Variants in GABRQ observed in about 807,000 individuals in gnomAD.
GABRQ encodes gamma-aminobutyric acid receptor subunit theta.
In GABRQ, 19 loss-of-function variants were observed where a neutral mutation model predicts 30.5. The observed-to-expected ratio is 0.62, with a 90% CI of 0.43 to 0.91. The LOEUF (loss-of-function observed/expected upper bound fraction) is 0.91. Ranked by LOEUF, GABRQ falls within the 40% of genes least tolerant of loss-of-function variation. The pLI, the probability that GABRQ is intolerant of heterozygous loss-of-function variation, is 0.00. For missense variants in GABRQ, 520 were observed against 521.4 expected (o/e 1.00, Z 0.03); for synonymous variants, 187 against 210.2 (o/e 0.89, Z 0.95).
chrX:152,650,244 C>T (rs1430668170), intron 6 of GABRQ, among the ~76,000 whole-genome samples, 184 bp from the exon 7 acceptor site: 1 of 112,060 alleles, frequency 8.9e-6, no homozygotes, highest in East Asian at 2.8e-4. Flanking sequence ...TATGCTCATG[C>T]GCCTACTGAG....
At chrX:152,641,581 C>A (rs931967804) in intron 2 of GABRQ, among the ~76,000 whole-genome samples, 2 of 111,894 alleles carry the variant, frequency 1.8e-5, no homozygotes, top group African/African-American at 3.2e-5. Flanking sequence ...CTGGTGCTTC[C>A]CCTTAGCTCC....
Position 152,653,541 on chromosome X carries a change from A to G in GABRQ, c.*260A>G, listed in dbSNP as rs945597222. 6.4e-6 allele frequency: 2 copies of G among 311,989 alleles called. No individual in the cohort carries two copies. Among genetic ancestry groups the G allele is most frequent in the Non-Finnish European group, 1.1e-5 (2 of 181,122 alleles). 25.7% of individuals were successfully genotyped at this position (311,989 alleles called of 1,213,427 possible). A position where few individuals can be genotyped will look rare whatever the true frequency, so the allele number is the denominator to read the frequency against. On this transcript the variant is annotated 3_prime_UTR_variant, in exon 9 of 9. Coordinates refer to ENST00000598523, the MANE Select transcript of GABRQ (RefSeq NM_018558.4). ...CCTGCTAGAAGACTCTCACCTTTTC[A>G]AAGACTTGTAACAAGGAATAAGCAT...
chrX:152,657,454 C>T lies in GABRQ; in HGVS notation c.*4173C>T, dbSNP rs1258342009. On this transcript the variant is annotated 3_prime_UTR_variant, in exon 9 of 9. Coordinates refer to ENST00000598523, the MANE Select transcript of GABRQ (RefSeq NM_018558.4). ...TTTAACAAAGTAAAATATGAAGAAA[C>T]GTAAAATTATGCTTCTGAAAAATAT... 7 of 111,852 alleles carry T rather than the reference C, an allele frequency of 6.3e-5. No individual in the cohort carries two copies. Among genetic ancestry groups the T allele is most frequent in the African/African-American group, 1.6e-4 (5 of 30,735 alleles). The allele number at this position is 111,852 out of a possible 1,213,427, so 9.2% of individuals were successfully genotyped here. A position where few individuals can be genotyped will look rare whatever the true frequency, so the allele number is the denominator to read the frequency against.
intron 4 of GABRQ, among the ~76,000 whole-genome samples, chrX:152,648,365 A>ATT (rs111231111): frequency 7.4e-5 from 7 of 94,690 alleles, no homozygotes; most frequent in African/African-American, 2.6e-4. Context: ...TTTTATTTTT[A>ATT]TTTTTTTTTT....
chrX:152,639,283 G>A (rs782144106), intron 1 of GABRQ, among the ~76,000 whole-genome samples: 3 of 107,845 alleles, frequency 2.8e-5, no homozygotes, highest in African/African-American at 1.0e-4. Context: ...CATAAAGGGG[G>A]GGGGGGTGTT....
chrX:152,648,067 G>A (rs1384881024), intron 4 of GABRQ, among the ~76,000 whole-genome samples: 3 of 112,088 alleles, frequency 2.7e-5, no homozygotes, highest in African/African-American at 9.7e-5. Flanking sequence ...CTACTTAAAG[G>A]GAGAATTAGC....
intron 4 of GABRQ, among the ~76,000 whole-genome samples, chrX:152,648,683 C>CA (rs1930947708): frequency 8.9e-6 from 1 of 112,112 alleles, no homozygotes; most frequent in Admixed American, 9.4e-5. Flanking sequence ...TGGATGCACT[C>CA]ACCACATTGC....
rs1185215992 is a variant in GABRQ at position 152,656,456 on chromosome X, C to A, written c.*3175C>A. 8.9e-6 allele frequency: 1 copy of A among 112,230 alleles called. No individual in the cohort carries two copies. The highest frequency in any genetic ancestry group is 1.9e-5 in the Non-Finnish European group (1 of 53,267). 9.2% of individuals were successfully genotyped at this position (112,230 alleles called of 1,213,427 possible). A position where few individuals can be genotyped will look rare whatever the true frequency, so the allele number is the denominator to read the frequency against. On this transcript the variant is annotated 3_prime_UTR_variant, in exon 9 of 9. Coordinates refer to ENST00000598523, the MANE Select transcript of GABRQ (RefSeq NM_018558.4). Reference sequence around the variant, plus strand: ...CTTTGCCACTATCATGGGAAGGACACCCCTGTCTGTCTTTCTGAAGTATCA... The same window carrying A: ...CTTTGCCACTATCATGGGAAGGACAACCCTGTCTGTCTTTCTGAAGTATCA...
chrX:152,647,125 G>A lies in GABRQ; in HGVS notation c.484G>A (p.Val162Met), dbSNP rs2124912576. Reference protein sequence around the residue: ...FVHDVTVENRVFQLHPDGTVR... With the variant: ...FVHDVTVENRMFQLHPDGTVR... ...GCATGATGTGACTGTGGAGAATCGC[G>A]TGTTTCAGCTTCACCCAGATGGAAC... The change falls in exon 4 of 9, where the codon GTG (valine) becomes ATG (methionine). Residue 162 changes from valine (V) to methionine (M), a missense_variant. Val to Met is a conservative substitution (Grantham distance 21, BLOSUM62 1). Transcript: ENST00000598523. The A allele has an allele frequency of 4.1e-6, 5 of 1,210,691 alleles. No homozygotes were observed. The South Asian group carries it at 5.3e-5, about 13-fold the overall frequency.
chrX:152,640,266 T>C, intron 1 of GABRQ, 112 bp from the exon 2 acceptor site: 1 of 548,446 alleles, frequency 1.8e-6, no homozygotes, highest in Non-Finnish European at 3.3e-6. Flanking sequence ...TGTGTACACG[T>C]ATGACTGGAC....
In GABRQ at chrX:152,651,729, C is replaced by T. The variant is rs142261040; in HGVS notation, c.1105C>T (p.Arg369Ter). Residue 369 changes from arginine (R) to a stop codon, truncating the protein, a stop_gained, in exon 8 of 9, where the codon CGA (arginine) becomes TGA (stop). Transcript: ENST00000598523. LOFTEE classifies it high-confidence loss of function. ...RRQPRRHRRPRRVIARYRYQQ... is the reference protein window; with the variant it reads ...RRQPRRHRRP Reference sequence around the variant, plus strand: ...CCAGCCTAGGCGACACAGGAGACCCCGAAGAGTCATTGCCCGCTACCGCTA... The same window carrying T: ...CCAGCCTAGGCGACACAGGAGACCCTGAAGAGTCATTGCCCGCTACCGCTA... 3 of 1,209,884 alleles carry T rather than the reference C, an allele frequency of 2.5e-6. No individual in the cohort carries two copies. The highest frequency in any genetic ancestry group is 1.7e-5 in the African/African-American group (1 of 57,325).
rs1162290667 is a variant in GABRQ at position 152,656,656 on chromosome X, A to G, written c.*3375A>G. On this transcript the variant is annotated 3_prime_UTR_variant, in exon 9 of 9. Coordinates refer to ENST00000598523, the MANE Select transcript of GABRQ (RefSeq NM_018558.4). ...AATAGCAGGACTTCAAAGTCTTTGCATATTTAGAGCTGAGTTTTGCTGAGA... is the reference window on the plus strand; with the variant it reads ...AATAGCAGGACTTCAAAGTCTTTGCGTATTTAGAGCTGAGTTTTGCTGAGA... The G allele has an allele frequency of 3.6e-5, 4 of 112,628 alleles. No homozygotes were observed. The highest frequency in any genetic ancestry group is 7.5e-5 in the Non-Finnish European group (4 of 53,358). The allele number at this position is 112,628 out of a possible 1,213,427, so 9.3% of individuals were successfully genotyped here.
rs781814944 is a variant in GABRQ, at chrX:152,653,244, T to C, written c.1862T>C (p.Leu621Ser). The C allele has an allele frequency of 1.5e-5, 18 of 1,203,488 alleles. No individual in the cohort carries two copies. The African/African-American group carries it at 2.6e-4, about 18-fold the overall frequency. The change falls in exon 9 of 9, where the codon TTG becomes TCG. Residue 621 changes from leucine to serine, a missense_variant. Transcript: ENST00000598523. ...TTCCTCTTCCCTCTGGCCTTTGGGT[T>C]GTTCAACATTGTTTACTGGGTATAC... ...SRFLFPLAFG[L>S]FNIVYWVYHM...
intron 1 of GABRQ, among the ~76,000 whole-genome samples, chrX:152,640,177 G>GT (rs1388674048): frequency 1.8e-5 from 2 of 110,576 alleles, no homozygotes; most frequent in African/African-American, 3.3e-5. Flanking sequence ...AGGTGGGGGG[G>GT]GGAGGAAAGA....
chrX:152,648,995 G>A (rs994897119), intron 4 of GABRQ, among the ~76,000 whole-genome samples: 9 of 112,355 alleles, frequency 8.0e-5, no homozygotes, highest in South Asian at 3.7e-4. Flanking sequence ...ACCCCTTTCC[G>A]TCTCTGCATT....
intron 2 of GABRQ, 169 bp downstream of exon 2, chrX:152,640,635 C>T (rs1404003070): frequency 2.0e-6 from 1 of 510,976 alleles, no homozygotes; most frequent in African/African-American, 2.3e-5. Flanking sequence ...GAAGCACCCC[C>T]AGGCCTTCTG....
intron 5 of GABRQ, 89 bp from the exon 6 acceptor site, chrX:152,649,653 G>A: frequency 1.3e-6 from 1 of 752,363 alleles, no homozygotes; most frequent in Non-Finnish European, 2.0e-6. Context: ...GTGTGTGCAA[G>A]TTAGTGGGTA....
rs782168851 is a variant in GABRQ, at chrX:152,650,516, C to T, written c.837C>T (p.Thr279=). 1 of 1,201,203 alleles carries T rather than the reference C, an allele frequency of 8.3e-7. No homozygotes were observed. Among genetic ancestry groups the T allele is most frequent in the South Asian group, 1.8e-5 (1 of 56,609 alleles). The change falls in exon 7 of 9, where the codon ACC becomes ACT. Residue 279 remains threonine (T), a synonymous_variant. Coordinates refer to ENST00000598523, the MANE Select transcript of GABRQ (RefSeq NM_018558.4). ...LVQVYWPTVL[T]TITSWISFWM... ...AAGTCTACTGGCCTACTGTCCTCAC[C>T]ACTATTACCTCTTGGATATCGTTTT...
rs1931056034 is a variant in GABRQ, at chrX:152,652,712, CT to C, written c.1331del (p.Leu444ArgfsTer7). ...PLTSLSGQAP[L>X]ATGESLSDLP... is the part of the protein sequence containing the mutation. ...CACTTCTCTCTCAGGCCAGGCCCCCCTGGCCACTGGAGAAAGCCTGAGCGAT... is the reference window on the plus strand; with the variant it reads ...CACTTCTCTCTCAGGCCAGGCCCCCCGGCCACTGGAGAAAGCCTGAGCGAT... On this transcript the variant is annotated frameshift_variant, in exon 9 of 9. Coordinates refer to ENST00000598523, the MANE Select transcript of GABRQ (RefSeq NM_018558.4). LOFTEE classifies it low-confidence loss of function (END_TRUNC). 2 of 1,211,481 alleles carry C rather than the reference CT, an allele frequency of 1.7e-6. No homozygotes were observed. Among genetic ancestry groups the C allele is most frequent in the Non-Finnish European group, 2.2e-6 (2 of 894,795 alleles).
Sources: allele counts gnomAD v4.1 joint callset (sites outside exome capture counted in the v4.1 genomes callset), GRCh38; gene constraint gnomAD v4.1.1; transcripts MANE v1.5; gene names NCBI Gene and HGNC (gene_info 2026-07-23, HGNC 2026-07-21).